Variants in DAGLB observed in about 807,000 individuals in gnomAD.
DAGLB encodes the protein diacylglycerol lipase-beta.
Under a neutral mutation model 72.1 loss-of-function variants are expected in DAGLB, and 66 were observed. The ratio of observed to expected loss-of-function variants is 0.92; its 90% CI spans 0.75 to 1.12. The LOEUF is 1.12. DAGLB is among the 50% of genes most tolerant of loss of function. The pLI, the probability that DAGLB is intolerant of heterozygous loss-of-function variation, is 0.00. For synonymous variants in DAGLB, 414 were observed against 359.5 expected (o/e 1.15, Z -1.71); for missense variants, 1,065 against 884.9 (o/e 1.20, Z -2.58).
At chr7:6,417,062 T>C in intron 9 of DAGLB, 141 bp from the exon 10 acceptor site, 1 of 941,206 alleles carries the variant, frequency 1.1e-6, no homozygotes, top group South Asian at 1.6e-5. Context: ...GCCACGTCCA[T>C]CGTGCATGGC....
At chr7:6,427,803 A>G (rs1784358347) in intron 6 of DAGLB, among the ~76,000 whole-genome samples, 1 of 152,116 alleles carries the variant, frequency 6.6e-6, no homozygotes, top group South Asian at 2.1e-4. Context: ...CAAAATCCAG[A>G]GGTTAGGAAG....
chr7:6,430,140 G>C (rs889092640), intron 6 of DAGLB, among the ~76,000 whole-genome samples: 1 of 151,386 alleles, frequency 6.6e-6, no homozygotes, highest in Non-Finnish European at 1.5e-5. Flanking sequence ...GGGAGACGGA[G>C]GTTGTGGTGA....
At chr7:6,420,732 GTTAC>G (rs1784086973) in intron 9 of DAGLB, among the ~76,000 whole-genome samples, 1 of 63,834 alleles carries the variant, frequency 1.6e-5, no homozygotes, top group African/African-American at 3.0e-4. Flanking sequence ...TATCTCACCA[GTTAC>G]AGGAAGCCCC....
In DAGLB at chr7:6,409,678, A is replaced by G. The variant is rs1300913462; in HGVS notation, c.*159T>C. On this transcript the variant is annotated 3_prime_UTR_variant, in exon 15 of 15. Transcript: ENST00000297056. ...ACCATTATGGCCACAATGACTTCCC[A>G]TAAACTTAAGTCATTGAGACCATGG... 3.4e-6 allele frequency: 3 copies of G among 881,108 alleles called. No individual in the cohort carries two copies. The highest frequency in any genetic ancestry group is 5.1e-6 in the Non-Finnish European group (3 of 589,172). The allele number at this position is 881,108 out of a possible 1,614,324, so 54.6% of individuals were successfully genotyped here.
rs192465842 is a variant in DAGLB, at chr7:6,433,097, C to T, written c.679-138G>A. 6,098 of 1,322,018 alleles carry T rather than the reference C, an allele frequency of 4.6e-3. 24 individuals are homozygous for T. Among genetic ancestry groups the T allele is most frequent in the Middle Eastern group, 6.9e-3 (25 of 3,642 alleles). The allele number at this position is 1,322,018 out of a possible 1,614,324, so 81.9% of individuals were successfully genotyped here. On this transcript the variant is annotated intron_variant, in intron 4 of 14. Transcript: ENST00000297056. Reference sequence around the variant, plus strand: ...TAGACACAGAGGTATGTTAAAAAGACTGCTCCTGGCAGGAGTGCTTCTCTA... The same window carrying T: ...TAGACACAGAGGTATGTTAAAAAGATTGCTCCTGGCAGGAGTGCTTCTCTA...
At chr7:6,428,117 C>T (rs534030035) in intron 6 of DAGLB, among the ~76,000 whole-genome samples, 7 of 152,028 alleles carry the variant, frequency 4.6e-5, no homozygotes, top group East Asian at 1.9e-4. Flanking sequence ...GAGGCCAAGG[C>T]GAGTGGATCA....
chr7:6,427,386 C>A (rs998173231), intron 6 of DAGLB, among the ~76,000 whole-genome samples: 3 of 152,102 alleles, frequency 2.0e-5, no homozygotes, highest in Admixed American at 2.0e-4. Flanking sequence ...AGACTGACAC[C>A]CATGATGCCA....
intron 8 of DAGLB, among the ~76,000 whole-genome samples, chr7:6,424,127 G>A (rs1004546894): frequency 1.3e-5 from 2 of 152,212 alleles, no homozygotes; most frequent in African/African-American, 2.4e-5. Context: ...AGAGAAGAAC[G>A]GGAAGTGAGA....
intron 2 of DAGLB, among the ~76,000 whole-genome samples, chr7:6,438,460 C>A (rs1416884086): frequency 6.6e-5 from 10 of 152,036 alleles, no homozygotes; most frequent in African/African-American, 2.2e-4. Flanking sequence ...GTAACACTAA[C>A]CTCTCTGAGG....
chr7:6,423,992 G>A (rs1784219799), intron 8 of DAGLB, among the ~76,000 whole-genome samples: 1 of 152,158 alleles, frequency 6.6e-6, no homozygotes, highest in South Asian at 2.1e-4. Flanking sequence ...ACCCACAGAT[G>A]GCTCCTGAAG....
intron 9 of DAGLB, among the ~76,000 whole-genome samples, chr7:6,420,039 T>G (rs1784060153): frequency 6.6e-6 from 1 of 152,074 alleles, no homozygotes; most frequent in Non-Finnish European, 1.5e-5. Context: ...CCCAGCTACT[T>G]GGGAGGCTGA....
At chr7:6,422,829 A>T (rs750317022) in intron 8 of DAGLB, 4 of 152,292 alleles carry the variant, frequency 2.6e-5, no homozygotes, top group Admixed American at 6.5e-5. Context: ...AGCGTCACAC[A>T]GTATACCCAG....
At chr7:6,419,349 C>T (rs942817850) in intron 9 of DAGLB, among the ~76,000 whole-genome samples, 5 of 152,080 alleles carry the variant, frequency 3.3e-5, no homozygotes, top group African/African-American at 9.7e-5. Flanking sequence ...CCTGCGACGG[C>T]GGGATGCAGT....
intron 2 of DAGLB, among the ~76,000 whole-genome samples, chr7:6,437,910 G>A (rs547341613): frequency 6.6e-6 from 1 of 152,136 alleles, no homozygotes. Flanking sequence ...GCAAAGTGCT[G>A]GGATTACAGG....
Position 6,412,193 on chromosome 7 carries a change from C to T in DAGLB, c.1569+618G>A, listed in dbSNP as rs149011236. 1.1e-3 allele frequency among the ~76,000 whole-genome samples: 175 copies of T among 152,304 alleles called. 5 individuals carry two copies. The highest frequency in any genetic ancestry group is 3.8e-3 in the African/African-American group (159 of 41,560). ...CCTCCCAAAGGGCTGGGATTACAAG[C>T]GTGACCCACCGCGCCTGGCCAGCAG... On this transcript the variant is annotated intron_variant, in intron 13 of 14. Transcript: ENST00000297056.
At chr7:6,426,480 G>C (rs750607020) in intron 6 of DAGLB, among the ~76,000 whole-genome samples, 7 of 152,178 alleles carry the variant, frequency 4.6e-5, no homozygotes, top group African/African-American at 1.7e-4. Flanking sequence ...ATGTTGGCCA[G>C]GATGGTTTTA....
intron 11 of DAGLB, among the ~76,000 whole-genome samples, chr7:6,415,707 T>C (rs191113366): frequency 0.016 from 2,410 of 151,248 alleles, 63 homozygotes; most frequent in African/African-American, 0.055. Flanking sequence ...TAGCCGGGTG[T>C]GGTGGCGGGC....
chr7:6,425,035 C>G (rs568223519), intron 7 of DAGLB, among the ~76,000 whole-genome samples, 200 bp from the exon 8 acceptor site: 1 of 152,322 alleles, frequency 6.6e-6, no homozygotes, highest in South Asian at 2.1e-4. Flanking sequence ...TGCTGCTCTA[C>G]ATGAAAAAGG....
Position 6,416,678 on chromosome 7 carries a change from G to A in DAGLB, c.1376C>T (p.Ala459Val). 3 of 1,613,726 alleles carry A rather than the reference G, an allele frequency of 1.9e-6. No homozygotes were observed. Among genetic ancestry groups the A allele is most frequent in the Non-Finnish European group, 2.5e-6 (3 of 1,179,848 alleles). ...AALLATMLRA[A>V]YPQVRCYAFS... is the part of the protein sequence containing the mutation. ...GGCGTAGCACCTGACCTGCGGGTAG[G>A]CGGCTCTGAGCATGGTGGCCAGCAG... Residue 459 changes from alanine to valine, a missense_variant, in exon 11 of 15, where the codon GCC becomes GTC. Physicochemically the swap from Ala to Val is moderately conservative, Grantham distance 64 (BLOSUM62 0). Coordinates refer to ENST00000297056, the MANE Select transcript of DAGLB (RefSeq NM_139179.4).
Sources: gnomAD v4.1 joint callset for allele counts (sites outside exome capture counted in the v4.1 genomes callset) on GRCh38, gnomAD v4.1.1 for gene constraint, MANE v1.5 for transcripts, NCBI Gene and HGNC (gene_info 2026-07-23, HGNC 2026-07-21) for gene names.